Variants in TJP2 observed in about 807,000 individuals in gnomAD.
The protein encoded by TJP2 is tight junction protein 2.
TJP2 carries 91 observed loss-of-function variants against 133.1 expected under a neutral mutation model. That is an observed-to-expected ratio of 0.68 (90% CI 0.58 to 0.81). The LOEUF (loss-of-function observed/expected upper bound fraction) is 0.81, where lower values mean the gene tolerates loss of function less well. TJP2 is among the 40% of genes least tolerant of loss of function. The probability of loss-of-function intolerance (pLI) is 0.00; values close to 1 mark genes in which losing one functional copy is unlikely to be tolerated. For missense variants in TJP2, 1,541 were observed against 1,565.6 expected, an observed-to-expected ratio of 0.98 and a Z score of 0.26; for synonymous variants, 592 against 583.4, an observed-to-expected ratio of 1.01 and a Z score of -0.21.
At chr9:69,195,884 G>A (rs537568203) in intron 1 of TJP2, among the ~76,000 whole-genome samples, 4 of 152,350 alleles carry the variant, frequency 2.6e-5, no homozygotes, top group African/African-American at 9.6e-5. Context: ...TATCATGCTT[G>A]TGAAGATGTT....
At position 69,221,377 on chromosome 9, in the gene TJP2, G is replaced by T. The variant is rs754451836; in HGVS notation, c.833G>T (p.Arg278Leu). The T allele has an allele frequency of 6.3e-7, 1 of 1,582,958 alleles. No individual in the cohort carries two copies. The highest frequency in any genetic ancestry group is 2.3e-5 in the East Asian group (1 of 43,134). The change falls in exon 5 of 23, where the codon CGC becomes CTC. Residue 278 changes from arginine to leucine, a missense_variant. Coordinates refer to ENST00000377245, the MANE Select transcript of TJP2 (RefSeq NM_004817.4). ...EYRRGARHDA[R>L]SRGPRSRSRE... ...AGGCGCGGGGCCCGCCACGATGCCC[G>T]CTCTCGGGGACCCCGAAGCCGCAGC...
At chr9:69,180,058 A>G (rs902701083) in intron 1 of TJP2, among the ~76,000 whole-genome samples, 6 of 152,240 alleles carry the variant, frequency 3.9e-5, no homozygotes, top group African/African-American at 1.2e-4. Context: ...CAGAGAAAAC[A>G]TGGTATCATC....
At chr9:69,172,554 T>C (rs942610643), upstream of TJP2, among the ~76,000 whole-genome samples, 3 of 152,106 alleles carry the variant, frequency 2.0e-5, no homozygotes, top group Middle Eastern at 3.2e-3. Flanking sequence ...ACAGTGCCGC[T>C]CTAGAGAGAA....
chr9:69,200,140 A>G (rs1310134445), intron 1 of TJP2, among the ~76,000 whole-genome samples: 3 of 152,050 alleles, frequency 2.0e-5, no homozygotes, highest in South Asian at 2.1e-4. Flanking sequence ...GTTATTAAAC[A>G]GTTTACTGCC....
chr9:69,134,686 G>A (rs1822647776), intron 1 of TJP2, among the ~76,000 whole-genome samples: 1 of 152,218 alleles, frequency 6.6e-6, no homozygotes, highest in African/African-American at 2.4e-5. Flanking sequence ...CGAGCTGAAA[G>A]ACCTGTCTGA....
rs1438951059 is a variant in TJP2, at chr9:69,205,981, A to G, written c.61-6567A>G. On this transcript the variant is annotated intron_variant, in intron 1 of 22. Coordinates refer to ENST00000377245, the MANE Select transcript of TJP2 (RefSeq NM_004817.4). Reference sequence around the variant, plus strand: ...ATTTTTCAAAGGAAAAAAGCTTTATAAAAAGATTAAAAAAAAACACAATAA... The same window carrying G: ...ATTTTTCAAAGGAAAAAAGCTTTATGAAAAGATTAAAAAAAAACACAATAA... Among the ~76,000 whole-genome samples the G allele has an allele frequency of 2.0e-5, 3 of 152,302 alleles. No homozygotes were observed. In the East Asian group the frequency reaches 5.8e-4, roughly 29 times the overall value.
Position 69,221,117 on chromosome 9 carries a change from CAGCCGGGACCGG to C in TJP2, c.579_590del (p.Asp194_Arg197del). 1.3e-6 allele frequency: 2 copies of C among 1,585,536 alleles called. No homozygotes were observed. The highest frequency in any genetic ancestry group is 1.7e-6 in the Non-Finnish European group (2 of 1,166,618). ...GGGCCCGGAGCCGGGAGCGGGACCT[CAGCCGGGACCGG>C]AGCCGTGGCCGGAGCCTGGAGCGGG... is the stretch of plus-strand genomic sequence containing the variant. On this transcript the variant is annotated inframe_deletion, in exon 5 of 23. Coordinates refer to ENST00000377245, the MANE Select transcript of TJP2 (RefSeq NM_004817.4).
At chr9:69,199,803 C>A (rs1022702244) in intron 1 of TJP2, among the ~76,000 whole-genome samples, 5 of 152,102 alleles carry the variant, frequency 3.3e-5, no homozygotes, top group African/African-American at 1.2e-4. Flanking sequence ...TGACATTGTT[C>A]ATGGAGACGA....
chr9:69,223,710 C>T (rs541059595), intron 5 of TJP2, among the ~76,000 whole-genome samples: 6 of 152,218 alleles, frequency 3.9e-5, no homozygotes, highest in African/African-American at 1.4e-4. Context: ...GGCTGTGAGG[C>T]TGTTTGACCA....
chr9:69,158,570 T>C (rs1400734151), intron 2 of TJP2, among the ~76,000 whole-genome samples: 2 of 152,020 alleles, frequency 1.3e-5, no homozygotes, highest in African/African-American at 4.8e-5. Flanking sequence ...CCTTAAACGT[T>C]GCTGTTTAAG....
chr9:69,220,868 G>A lies in TJP2; in HGVS notation c.343-19G>A, dbSNP rs1454957840. On this transcript the variant is annotated intron_variant, in intron 4 of 22. Coordinates refer to ENST00000377245, the MANE Select transcript of TJP2 (RefSeq NM_004817.4). ...GTTGTGATTGTCCTGCGTCCACACTGAGTTTGTTTTGACAACAGGTGGTCA... is the reference window on the plus strand; with the variant it reads ...GTTGTGATTGTCCTGCGTCCACACTAAGTTTGTTTTGACAACAGGTGGTCA... 2 of 1,611,040 alleles carry A rather than the reference G, an allele frequency of 1.2e-6. No homozygotes were observed. Among genetic ancestry groups the A allele is most frequent in the Admixed American group, 3.3e-5 (2 of 60,006 alleles).
In TJP2 at chr9:69,248,027, G is replaced by C; in HGVS notation, c.2683G>C (p.Asp895His). ...ATTCCTCTAGATGGAAGGGATGGAT[G>C]ATGACCCCGAAGACCGCATGTCCTA... ...VSEGKMEGMDDDPEDRMSYLT... is the reference protein window; with the variant it reads ...VSEGKMEGMDHDPEDRMSYLT... The change falls in exon 19 of 23, where the codon GAT becomes CAT. Residue 895 changes from aspartate to histidine, a missense_variant. Asp to His is a moderately conservative substitution (Grantham distance 81, BLOSUM62 -1). Transcript: ENST00000377245. The C allele has an allele frequency of 2.5e-6, 4 of 1,607,908 alleles. No individual in the cohort carries two copies. The highest frequency in any genetic ancestry group is 3.4e-6 in the Non-Finnish European group (4 of 1,175,712).
Position 69,198,267 on chromosome 9 carries a change from G to C in TJP2, c.61-14281G>C, listed in dbSNP as rs1826739053. Reference sequence around the variant, plus strand: ...AGCGATTCTCTTGCCTCAGCCTCCAGAGTAGCTGGGACTACAGGCATGTGC... The same window carrying C: ...AGCGATTCTCTTGCCTCAGCCTCCACAGTAGCTGGGACTACAGGCATGTGC... On this transcript the variant is annotated intron_variant, in intron 1 of 22. Transcript: ENST00000377245. 2.6e-5 allele frequency among the ~76,000 whole-genome samples: 4 copies of C among 151,268 alleles called. No homozygotes were observed. The South Asian group carries it at 8.3e-4, about 32-fold the overall frequency.
intron 2 of TJP2, among the ~76,000 whole-genome samples, chr9:69,153,165 C>T (rs906009592): frequency 5.9e-5 from 9 of 151,742 alleles, no homozygotes; most frequent in South Asian, 2.1e-4. Flanking sequence ...CCCAGGAATT[C>T]GAGGCTGCAG....
intron 2 of TJP2, chr9:69,151,864 A>T: frequency 8.4e-7 from 1 of 1,187,440 alleles, no homozygotes; most frequent in African/African-American, 1.6e-5. Context: ...AGAGGTAGTC[A>T]GAGTTACCAT....
intron 11 of TJP2, among the ~76,000 whole-genome samples, chr9:69,230,696 A>G (rs549825154): frequency 1.3e-5 from 2 of 152,206 alleles, no homozygotes; most frequent in South Asian, 2.1e-4. Context: ...ACCCTGGTTC[A>G]CCCTGAGACT....
intron 7 of TJP2, 54 bp from the exon 8 acceptor site, chr9:69,227,711 A>G (rs1327740450): frequency 8.1e-7 from 1 of 1,234,128 alleles, no homozygotes; most frequent in Non-Finnish European, 1.2e-6. Flanking sequence ...TTCTCTGGGT[A>G]GGAGAATATT....
chr9:69,137,829 A>G (rs1423527339), intron 1 of TJP2, among the ~76,000 whole-genome samples: 1 of 152,068 alleles, frequency 6.6e-6, no homozygotes, highest in Admixed American at 6.6e-5. Flanking sequence ...TTTGACAGGT[A>G]ATATCTCAGC....
At chr9:69,144,280 A>G (rs567739170) in intron 1 of TJP2, among the ~76,000 whole-genome samples, 1 of 152,332 alleles carries the variant, frequency 6.6e-6, no homozygotes, top group South Asian at 2.1e-4. Context: ...GATTTAGGTC[A>G]TTTAGGTCAA....
Sources: gnomAD v4.1 joint callset for allele counts (sites outside exome capture counted in the v4.1 genomes callset) on GRCh38, gnomAD v4.1.1 for gene constraint, MANE v1.5 for transcripts, NCBI Gene and HGNC (gene_info 2026-07-23, HGNC 2026-07-21) for gene names.